ARL6IP6: variants seen among roughly 807,000 people sequenced by gnomAD.
ARL6IP6 encodes ARF like GTPase 6 interacting protein 6.
A neutral mutation model predicts 21.5 loss-of-function variants in ARL6IP6; 22 were observed. The ratio of observed to expected loss-of-function variants is 1.02; its 90% confidence interval spans 0.73 to 1.46. ARL6IP6 has a LOEUF of 1.46. Among genes scored for constraint, ARL6IP6 ranks in the 40% most tolerant of loss-of-function variants. The pLI is 0.00. For missense variants in ARL6IP6, 388 were observed against 299.8 expected (o/e 1.29, Z -2.17); for synonymous variants, 164 against 125.3 (o/e 1.31, Z -2.06).
intron 3 of ARL6IP6, among the ~76,000 whole-genome samples, chr2:152,747,862 T>C (rs1191344661): frequency 6.6e-6 from 1 of 152,064 alleles, no homozygotes; most frequent in Non-Finnish European, 1.5e-5. Context: ...TGAGCCACCA[T>C]GCCTGGCCAA....
At chr2:152,722,822 C>G (rs1223925297) in intron 2 of ARL6IP6, among the ~76,000 whole-genome samples, 1 of 152,162 alleles carries the variant, frequency 6.6e-6, no homozygotes, top group African/African-American at 2.4e-5. Flanking sequence ...GCAGGAGAAT[C>G]ACTTGAACCG....
intron 3 of ARL6IP6, among the ~76,000 whole-genome samples, chr2:152,749,312 AAAACAC>A (rs1484059804): frequency 1.6e-5 from 1 of 62,016 alleles, no homozygotes; most frequent in Admixed American, 2.1e-4. Context: ...CACACACACA[AAAACAC>A]ACACACACAC....
intron 3 of ARL6IP6, among the ~76,000 whole-genome samples, chr2:152,750,977 A>G (rs982566470): frequency 6.6e-6 from 1 of 152,204 alleles, no homozygotes. Context: ...AAGCCTTGTA[A>G]ATTTTGAAGT....
At chr2:152,721,447 A>T (rs1432469671) in intron 2 of ARL6IP6, among the ~76,000 whole-genome samples, 1 of 152,112 alleles carries the variant, frequency 6.6e-6, no homozygotes, top group Non-Finnish European at 1.5e-5. Context: ...GCTGTAGTTC[A>T]CAGGTTTCCA....
intron 2 of ARL6IP6, among the ~76,000 whole-genome samples, chr2:152,722,784 T>C (rs913651770): frequency 1.3e-5 from 2 of 152,200 alleles, no homozygotes; most frequent in African/African-American, 4.8e-5. Flanking sequence ...GGCACAGGCC[T>C]GTAATCCCAC....
At chr2:152,740,837 A>T (rs1335591124) in intron 3 of ARL6IP6, among the ~76,000 whole-genome samples, 1 of 152,000 alleles carries the variant, frequency 6.6e-6, no homozygotes, top group South Asian at 2.1e-4. Flanking sequence ...AAATATTTAC[A>T]CACACACACA....
intron 1 of ARL6IP6, among the ~76,000 whole-genome samples, 175 bp downstream of exon 1, chr2:152,719,199 G>A (rs1574001697): frequency 6.6e-6 from 1 of 152,118 alleles, no homozygotes; most frequent in African/African-American, 2.4e-5. Context: ...TTTTCTAAGT[G>A]GAGCGTCCTG....
chr2:152,717,990 C>T (rs1699260639), upstream of ARL6IP6: 6 of 997,748 alleles, frequency 6.0e-6, no homozygotes, highest in Non-Finnish European at 6.0e-6. Context: ...TCTCCGTACG[C>T]ACCAGGTGGA....
chr2:152,726,156 T>A (rs1355932345), intron 2 of ARL6IP6, among the ~76,000 whole-genome samples: 3 of 152,108 alleles, frequency 2.0e-5, no homozygotes, highest in South Asian at 2.1e-4. Context: ...GTTTTTTTTT[T>A]AATTTTCCCA....
intron 3 of ARL6IP6, among the ~76,000 whole-genome samples, chr2:152,758,917 A>G (rs1364733030): frequency 2.6e-5 from 4 of 152,168 alleles, no homozygotes; most frequent in African/African-American, 9.7e-5. Flanking sequence ...TACTTCTGCT[A>G]GTGCACCTTC....
intron 2 of ARL6IP6, among the ~76,000 whole-genome samples, chr2:152,722,583 G>A (rs1699840269): frequency 6.6e-6 from 1 of 152,130 alleles, no homozygotes; most frequent in Admixed American, 6.5e-5. Context: ...GTGAAACAGG[G>A]CCAAGATGAT....
chr2:152,742,960 A>T (rs1246573496), intron 3 of ARL6IP6, among the ~76,000 whole-genome samples: 1 of 152,208 alleles, frequency 6.6e-6, no homozygotes, highest in Non-Finnish European at 1.5e-5. Context: ...ATACTAGCTA[A>T]CTTACCTCCT....
intron 3 of ARL6IP6, among the ~76,000 whole-genome samples, chr2:152,745,228 G>A (rs753139712): frequency 6.6e-6 from 1 of 152,058 alleles, no homozygotes; most frequent in South Asian, 2.1e-4. Context: ...TCACATTGAG[G>A]GTTAGGAAGA....
rs1278556960 is a variant in ARL6IP6, at chr2:152,761,086, A to G, written c.*1246A>G. ...AAACCATTAAGTAGTCAAACTGCTT[A>G]TTCAGGCTAAGTGGGAAATGAATTT... On this transcript the variant is annotated 3_prime_UTR_variant, in exon 4 of 4. Coordinates refer to ENST00000326446, the MANE Select transcript of ARL6IP6 (RefSeq NM_152522.7). The G allele has an allele frequency of 3.3e-5, 5 of 152,238 alleles. No individual in the cohort carries two copies. The highest frequency in any genetic ancestry group is 2.0e-4 in the Admixed American group (3 of 15,284). 9.4% of individuals were successfully genotyped at this position (152,238 alleles called of 1,614,324 possible).
intron 3 of ARL6IP6, among the ~76,000 whole-genome samples, chr2:152,750,209 T>C (rs1463530578): frequency 6.6e-6 from 1 of 152,150 alleles, no homozygotes; most frequent in East Asian, 1.9e-4. Flanking sequence ...CCGAGCGCAG[T>C]GGCTCACGCC....
intron 2 of ARL6IP6, among the ~76,000 whole-genome samples, chr2:152,725,221 A>G (rs1275125882): frequency 1.3e-5 from 2 of 152,212 alleles, no homozygotes; most frequent in East Asian, 3.9e-4. Flanking sequence ...ATTTTGAAAT[A>G]CGTTTTGGGA....
At chr2:152,750,993 G>A (rs1372882811) in intron 3 of ARL6IP6, among the ~76,000 whole-genome samples, 1 of 152,124 alleles carries the variant, frequency 6.6e-6, no homozygotes, top group Non-Finnish European at 1.5e-5. Context: ...GAAGTAAAAT[G>A]GAAGGTCTTC....
At chr2:152,755,435 C>T (rs1209674182) in intron 3 of ARL6IP6, among the ~76,000 whole-genome samples, 1 of 152,196 alleles carries the variant, frequency 6.6e-6, no homozygotes, top group Non-Finnish European at 1.5e-5. Context: ...GCTTCATTGG[C>T]CACGCTCCTG....
intron 2 of ARL6IP6, among the ~76,000 whole-genome samples, chr2:152,724,960 A>G (rs1321874656): frequency 1.3e-5 from 2 of 152,106 alleles, no homozygotes; most frequent in African/African-American, 4.8e-5. Context: ...ACGGAATCTT[A>G]GACCCTATAA....
Sources: gnomAD v4.1 joint callset for allele counts (sites outside exome capture counted in the v4.1 genomes callset) on GRCh38, gnomAD v4.1.1 for gene constraint, MANE v1.5 for transcripts, NCBI Gene and HGNC (gene_info 2026-07-23, HGNC 2026-07-21) for gene names.